NAV2: variants seen among roughly 807,000 people sequenced by gnomAD.
NAV2 encodes the protein helicase, APC down-regulated 1.
A neutral mutation model predicts 223.2 loss-of-function variants in NAV2; 54 were observed. That is an observed-to-expected ratio of 0.24 (90% CI 0.19 to 0.30). The LOEUF (loss-of-function observed/expected upper bound fraction) is 0.30. NAV2 is among the 10% of genes least tolerant of loss of function. The pLI, the probability that NAV2 is intolerant of heterozygous loss-of-function variation, is 1.00. For synonymous variants in NAV2, 1,279 were observed against 1,239.3 expected (o/e 1.03, Z -0.67); for missense variants, 2,806 against 3,147.5 (o/e 0.89, Z 2.60).
chr11:19,375,867 C>CT (rs1848625354), intron 1 of NAV2, among the ~76,000 whole-genome samples: 1 of 152,056 alleles, frequency 6.6e-6, no homozygotes, highest in Non-Finnish European at 1.5e-5. Context: ...ATTAGCCTTT[C>CT]CACACAAGAT....
chr11:20,024,828 G>A (rs1006572302), intron 11 of NAV2, among the ~76,000 whole-genome samples: 3 of 152,192 alleles, frequency 2.0e-5, no homozygotes, highest in East Asian at 3.8e-4. Context: ...GACTATGGGG[G>A]TATTGAACTC....
chr11:19,783,568 C>CTGCT (rs1364249625), intron 1 of NAV2, among the ~76,000 whole-genome samples: 1 of 152,240 alleles, frequency 6.6e-6, no homozygotes, highest in Admixed American at 6.5e-5. Context: ...AGTCCTTGAG[C>CTGCT]TGCTGGTGGA....
intron 1 of NAV2, among the ~76,000 whole-genome samples, chr11:19,718,680 T>C (rs1003285391): frequency 2.6e-5 from 4 of 152,236 alleles, no homozygotes; most frequent in African/African-American, 9.6e-5. Flanking sequence ...CATGGTTATC[T>C]GCCAACATGC....
At chr11:19,668,636 TG>T (rs1016993948) in intron 1 of NAV2, among the ~76,000 whole-genome samples, 5 of 148,856 alleles carry the variant, frequency 3.4e-5, no homozygotes, top group South Asian at 2.2e-4. Context: ...CAATCCAGGG[TG>T]GGGCACACTT....
intron 11 of NAV2, among the ~76,000 whole-genome samples, chr11:19,997,786 T>C (rs1374068275): frequency 6.6e-6 from 1 of 152,152 alleles, no homozygotes; most frequent in African/African-American, 2.4e-5. Flanking sequence ...GACTAGTCGG[T>C]AGATCCAGCA....
Position 19,641,637 on chromosome 11 carries a change from G to A in NAV2, c.76-190847G>A, listed in dbSNP as rs767650067. On this transcript the variant is annotated intron_variant, in intron 1 of 37. Coordinates refer to the NAV2 transcript ENST00000360655. ...ATGCAGACCCCCACAAACACAGTGAGCGCTCACCTTCCGGCGTTTGCACTG... is the reference window on the plus strand; with the variant it reads ...ATGCAGACCCCCACAAACACAGTGAACGCTCACCTTCCGGCGTTTGCACTG... Among the ~76,000 whole-genome samples the A allele has an allele frequency of 8.8e-4, 134 of 151,772 alleles. 2 individuals are homozygous for A. The highest frequency in any genetic ancestry group is 6.8e-3 in the Middle Eastern group (2 of 294).
chr11:19,431,612 G>T (rs1450573682), intron 1 of NAV2, among the ~76,000 whole-genome samples: 2 of 152,160 alleles, frequency 1.3e-5, no homozygotes, highest in Non-Finnish European at 2.9e-5. Context: ...TCCTCTCCTT[G>T]TGGTTCTGAT....
chr11:19,859,394 C>T (rs4757853), intron 3 of NAV2, among the ~76,000 whole-genome samples: 73,292 of 144,802 alleles, frequency 0.51, 19,101 homozygotes, highest in African/African-American at 0.64. Flanking sequence ...CATCTTGCAC[C>T]GCCCTTAATC....
At chr11:19,775,351 G>A (rs2056078136) in intron 1 of NAV2, among the ~76,000 whole-genome samples, 1 of 152,154 alleles carries the variant, frequency 6.6e-6, no homozygotes, top group Non-Finnish European at 1.5e-5. Context: ...AGGGCCTCTT[G>A]TAGTCATTCA....
At chr11:19,520,755 G>A (rs1421573372) in intron 1 of NAV2, among the ~76,000 whole-genome samples, 5 of 152,214 alleles carry the variant, frequency 3.3e-5, no homozygotes, top group Admixed American at 1.3e-4. Flanking sequence ...TTTGCCAAGC[G>A]AGGGCCCAGT....
intron 1 of NAV2, among the ~76,000 whole-genome samples, chr11:19,743,957 G>T (rs1381424057): frequency 2.0e-5 from 3 of 152,196 alleles, no homozygotes; most frequent in African/African-American, 7.2e-5. Context: ...GTCCTATTTG[G>T]GTTGTAGTAT....
At chr11:19,784,839 G>A (rs1039119029) in intron 1 of NAV2, among the ~76,000 whole-genome samples, 11 of 152,238 alleles carry the variant, frequency 7.2e-5, no homozygotes, top group South Asian at 2.1e-4. Flanking sequence ...AACGCAAAGC[G>A]CTCAGTACAG....
rs367833156 is a variant in NAV2, at chr11:19,386,293, G to T, written c.75+35266G>T. Among the ~76,000 whole-genome samples, 15 of 152,320 alleles carry T rather than the reference G, an allele frequency of 9.8e-5. No homozygotes were observed. The East Asian group carries it at 1.4e-3, about 14-fold the overall frequency. On this transcript the variant is annotated intron_variant, in intron 1 of 37. Coordinates refer to the NAV2 transcript ENST00000360655. ...TTATAATGAGAGGGGTTCTGGTTTT[G>T]AAGTCAGAGAACTGGGTTGCTCTAT... is the stretch of plus-strand genomic sequence containing the variant.
intron 4 of NAV2, among the ~76,000 whole-genome samples, chr11:19,872,566 G>A (rs2062580013): frequency 6.6e-6 from 1 of 152,244 alleles, no homozygotes; most frequent in Admixed American, 6.5e-5. Context: ...AGATGACTGA[G>A]TGCCCTGAGG....
intron 10 of NAV2, among the ~76,000 whole-genome samples, chr11:19,978,195 C>A (rs1054672644): frequency 6.6e-6 from 1 of 151,888 alleles, no homozygotes. Flanking sequence ...CCTCCTACGA[C>A]CCGGAGTGAA....
chr11:19,543,089 C>T (rs2044384308), intron 1 of NAV2, among the ~76,000 whole-genome samples: 4 of 152,206 alleles, frequency 2.6e-5, no homozygotes, highest in African/African-American at 9.7e-5. Flanking sequence ...TTCACCCATC[C>T]TTGGTCATCT....
chr11:20,054,359 G>A (rs943832695), intron 18 of NAV2, 119 bp downstream of exon 18: 29 of 983,664 alleles, frequency 2.9e-5, no homozygotes, highest in African/African-American at 2.2e-4. Context: ...TGGTTACATG[G>A]GTAAGTTCTT....
intron 10 of NAV2, among the ~76,000 whole-genome samples, chr11:19,972,643 A>G (rs56151589): frequency 0.048 from 7,359 of 152,164 alleles, 560 homozygotes; most frequent in African/African-American, 0.17. Flanking sequence ...CCCCAAGCCA[A>G]TATTGCCTGG....
At chr11:20,039,312 T>C (rs2056692270) in intron 12 of NAV2, among the ~76,000 whole-genome samples, 1 of 152,150 alleles carries the variant, frequency 6.6e-6, no homozygotes, top group Non-Finnish European at 1.5e-5. Context: ...AGGGTGAGTG[T>C]GAAAGTAACA....
Sources: allele counts gnomAD v4.1 joint callset (sites outside exome capture counted in the v4.1 genomes callset), GRCh38; gene constraint gnomAD v4.1.1; transcripts MANE v1.5; gene names NCBI Gene and HGNC (gene_info 2026-07-23, HGNC 2026-07-21).